The following LRMDA variants were observed in gnomAD, a reference collection of about 807,000 sequenced individuals.
LRMDA encodes the protein leucine rich melanocyte differentiation associated, also known as leucine-rich melanocyte differentiation-associated protein.
In LRMDA, 18 loss-of-function variants were observed where a neutral mutation model predicts 29.8. The observed-to-expected ratio is 0.60, with a 90% CI of 0.42 to 0.90. LRMDA has a LOEUF of 0.90. LRMDA is among the 40% of genes least tolerant of loss of function. LRMDA has a pLI of 0.00. For synonymous variants in LRMDA, 125 were observed against 109.4 expected (o/e 1.14, Z -0.89); for missense variants, 273 against 273.9 (o/e 1.00, Z 0.02).
intron 6 of LRMDA, among the ~76,000 whole-genome samples, chr10:76,449,678 T>C (rs1842387308): frequency 6.6e-6 from 1 of 152,004 alleles, no homozygotes; most frequent in African/African-American, 2.4e-5. Context: ...TCATCTTATG[T>C]AGAGGTTTGG....
chr10:76,515,366 A>G (rs777561396), intron 6 of LRMDA, among the ~76,000 whole-genome samples: 1 of 152,230 alleles, frequency 6.6e-6, no homozygotes, highest in Admixed American at 6.5e-5. Context: ...GGAAACTTTC[A>G]TTAGTTAAAT....
At chr10:76,024,318 G>A (rs1356291063) in intron 2 of LRMDA, among the ~76,000 whole-genome samples, 1 of 152,194 alleles carries the variant, frequency 6.6e-6, no homozygotes, top group Non-Finnish European at 1.5e-5. Flanking sequence ...AGTTGATCTC[G>A]TCTCTGTCCC....
intron 6 of LRMDA, among the ~76,000 whole-genome samples, chr10:76,490,006 A>G (rs1368134082): frequency 6.6e-6 from 1 of 151,964 alleles, no homozygotes; most frequent in Non-Finnish European, 1.5e-5. Context: ...TATTCATAAT[A>G]AAATGAAAAT....
At chr10:76,102,214 G>GAATAGTGCC (rs1589327305) in intron 5 of LRMDA, among the ~76,000 whole-genome samples, 1 of 152,038 alleles carries the variant, frequency 6.6e-6, no homozygotes, top group African/African-American at 2.4e-5. Flanking sequence ...TCACTATTGT[G>GAATAGTGCC]AATAGTGCCA....
intron 2 of LRMDA, among the ~76,000 whole-genome samples, chr10:75,899,741 C>A (rs1845639971): frequency 6.6e-6 from 1 of 152,168 alleles, no homozygotes; most frequent in Non-Finnish European, 1.5e-5. Context: ...TCGCCTAAAT[C>A]TGGACATATC....
At chr10:75,814,639 G>A (rs771559220) in intron 2 of LRMDA, among the ~76,000 whole-genome samples, 3 of 152,120 alleles carry the variant, frequency 2.0e-5, no homozygotes, top group East Asian at 1.9e-4. Context: ...GCAGGCAGCC[G>A]GTTGACACAA....
intron 2 of LRMDA, among the ~76,000 whole-genome samples, chr10:75,549,746 C>T (rs201638530): frequency 6.6e-6 from 1 of 152,140 alleles, no homozygotes; most frequent in Admixed American, 6.6e-5. Context: ...ATAATCAAGA[C>T]GTAACATTTT....
intron 6 of LRMDA, among the ~76,000 whole-genome samples, chr10:76,361,016 T>C (rs949796015): frequency 6.6e-6 from 1 of 152,116 alleles, no homozygotes; most frequent in Non-Finnish European, 1.5e-5. Context: ...ATCTGAGCAC[T>C]TTGGGAGGCT....
At chr10:75,540,770 T>A (rs926508690) in intron 2 of LRMDA, among the ~76,000 whole-genome samples, 13 of 152,206 alleles carry the variant, frequency 8.5e-5, no homozygotes, top group African/African-American at 3.1e-4. Flanking sequence ...CAGCTATTAC[T>A]CATGTTTGGG....
intron 2 of LRMDA, among the ~76,000 whole-genome samples, chr10:75,778,477 C>T (rs1843341065): frequency 6.6e-6 from 1 of 152,134 alleles, no homozygotes; most frequent in Non-Finnish European, 1.5e-5. Context: ...TGTGAACATC[C>T]ATGTTATTGG....
At chr10:76,460,332 G>A (rs982975267) in intron 6 of LRMDA, among the ~76,000 whole-genome samples, 1 of 152,214 alleles carries the variant, frequency 6.6e-6, no homozygotes, top group Non-Finnish European at 1.5e-5. Flanking sequence ...TAAGTCAGCA[G>A]GTAGAGGGCT....
intron 5 of LRMDA, among the ~76,000 whole-genome samples, chr10:76,273,381 C>G (rs1453808327): frequency 6.6e-6 from 1 of 152,112 alleles, no homozygotes; most frequent in Non-Finnish European, 1.5e-5. Flanking sequence ...ATTTAACTGA[C>G]TTTTATACTT....
In LRMDA at chr10:75,852,907, A is replaced by G. The variant is rs114821031; in HGVS notation, c.132-183101A>G. Among the ~76,000 whole-genome samples, 127 of 152,240 alleles carry G rather than the reference A, an allele frequency of 8.3e-4. 1 individual carries two copies. The highest frequency in any genetic ancestry group is 2.9e-3 in the African/African-American group (122 of 41,564). On this transcript the variant is annotated intron_variant, in intron 2 of 6. Coordinates refer to ENST00000611255, the MANE Select transcript of LRMDA (RefSeq NM_001305581.2). ...AAAGAGGATTAATTCACAGTTCTAC[A>G]TAGCTGGAGAGACCTCAGGAAACTT... is the stretch of plus-strand genomic sequence containing the variant.
chr10:75,502,221 G>A (rs957585006), intron 2 of LRMDA, among the ~76,000 whole-genome samples: 1 of 152,140 alleles, frequency 6.6e-6, no homozygotes, highest in Non-Finnish European at 1.5e-5. Context: ...TTCCTGAAAG[G>A]AGGCTGGGAA....
rs148894455 is a variant in LRMDA, at chr10:75,758,514, C to T, written c.132-277494C>T. Among the ~76,000 whole-genome samples, 644 of 152,352 alleles carry T rather than the reference C, an allele frequency of 4.2e-3. 3 individuals carry two copies. Among genetic ancestry groups the T allele is most frequent in the Middle Eastern group, 0.017 (5 of 294 alleles). ...TTATCGTTCTAGTAGAGCATTTCTACAGTCCGTCTTGCGTGGCAGTGAGGC... is the reference window on the plus strand; with the variant it reads ...TTATCGTTCTAGTAGAGCATTTCTATAGTCCGTCTTGCGTGGCAGTGAGGC... On this transcript the variant is annotated intron_variant, in intron 2 of 6. Coordinates refer to ENST00000611255, the MANE Select transcript of LRMDA (RefSeq NM_001305581.2).
chr10:76,073,878 G>C (rs907837681), intron 5 of LRMDA, among the ~76,000 whole-genome samples: 1 of 152,220 alleles, frequency 6.6e-6, no homozygotes, highest in Admixed American at 6.5e-5. Flanking sequence ...GACCTGCTAA[G>C]TTGTAGTCCT....
At chr10:76,313,373 C>T (rs1311748353) in intron 5 of LRMDA, among the ~76,000 whole-genome samples, 3 of 152,112 alleles carry the variant, frequency 2.0e-5, no homozygotes, top group Middle Eastern at 3.2e-3. Flanking sequence ...CTATTATTAC[C>T]ATTATCACTG....
rs568487756 is a variant in LRMDA, at chr10:76,489,144, C to A, written c.602-68065C>A. On this transcript the variant is annotated intron_variant, in intron 6 of 6. Transcript: ENST00000611255. ...ATTCAGCAGTGAATCCATCAGGTCC[C>A]AGGCTTTTCTTTGCTGGGAGACTTT... Among the ~76,000 whole-genome samples, 4 of 151,958 alleles carry A rather than the reference C, an allele frequency of 2.6e-5. No homozygotes were observed. In the South Asian group the frequency reaches 8.3e-4, roughly 32 times the overall value.
intron 6 of LRMDA, among the ~76,000 whole-genome samples, chr10:76,412,009 G>T (rs747427106): frequency 6.6e-6 from 1 of 152,196 alleles, no homozygotes; most frequent in African/African-American, 2.4e-5. Flanking sequence ...TTTACAAGGC[G>T]CCAGCCTCTG....
Sources: gnomAD v4.1 joint callset for allele counts (sites outside exome capture counted in the v4.1 genomes callset) on GRCh38, gnomAD v4.1.1 for gene constraint, MANE v1.5 for transcripts, NCBI Gene and HGNC (gene_info 2026-07-23, HGNC 2026-07-21) for gene names.